The following PRPS1 variants were observed in gnomAD, a reference collection of about 807,000 sequenced individuals.
PRPS1 encodes phosphoribosyl pyrophosphate synthetase 1, also known as ribose-phosphate pyrophosphokinase 1.
Under a neutral mutation model 16.9 loss-of-function variants are expected in PRPS1, and 1 was observed. The observed-to-expected ratio is 0.06, with a 90% CI of 0.02 to 0.28. PRPS1 has a LOEUF of 0.28. Ranked by LOEUF, PRPS1 falls within the 10% of genes least tolerant of loss-of-function variation. The pLI, the probability that PRPS1 is intolerant of heterozygous loss-of-function variation, is 1.00. For synonymous variants in PRPS1, 70 were observed against 90.2 expected, an observed-to-expected ratio of 0.78 and a Z score of 1.27; for missense variants, 47 against 254.0, an observed-to-expected ratio of 0.19 and a Z score of 5.54.
Position 107,642,464 on chromosome X carries a change from C to G in PRPS1, c.504C>G (p.Val168=). The G allele has an allele frequency of 8.3e-7, 1 of 1,211,568 alleles. No individual in the cohort carries two copies. The highest frequency in any genetic ancestry group is 1.1e-6 in the Non-Finnish European group (1 of 895,378). ...NISEWRNCTI[V]SPDAGGAKRV... ...CTGAGTGGAGGAACTGCACTATTGT[C>G]TCACCTGATGCTGGTGGAGCTAAGA... is the stretch of plus-strand genomic sequence containing the variant. The change falls in exon 4 of 7, where the codon GTC becomes GTG. Residue 168 remains valine, a synonymous_variant. Coordinates refer to ENST00000372435, the MANE Select transcript of PRPS1 (RefSeq NM_002764.4).
At chrX:107,634,835 GTT>G (rs781010422) in intron 1 of PRPS1, among the ~76,000 whole-genome samples, 2 of 87,917 alleles carry the variant, frequency 2.3e-5, no homozygotes. Flanking sequence ...AAAGTTTTTT[GTT>G]TTTTTTTTTT....
rs910180824 is a variant in PRPS1 at position 107,633,267 on chromosome X, A to G, written c.122+4517A>G. Among the ~76,000 whole-genome samples, 8 of 109,058 alleles carry G rather than the reference A, an allele frequency of 7.3e-5. No homozygotes were observed. In the South Asian group the frequency reaches 2.4e-3, roughly 33 times the overall value. The allele number at this position is 109,058 out of a possible 115,157, so 94.7% of individuals were successfully genotyped here. A position where few individuals can be genotyped will look rare whatever the true frequency, so the allele number is the denominator to read the frequency against. ...GAAACCCTGTCTCTACTAAAAATAC[A>G]AAAAATTAGCTGGGCATGGTGGCAG... On this transcript the variant is annotated intron_variant, in intron 1 of 6. Coordinates refer to ENST00000372435, the MANE Select transcript of PRPS1 (RefSeq NM_002764.4).
intron 1 of PRPS1, among the ~76,000 whole-genome samples, chrX:107,633,900 C>T (rs1022488685): frequency 5.4e-5 from 6 of 111,581 alleles, no homozygotes; most frequent in Admixed American, 3.8e-4. Context: ...GCACTCCAGC[C>T]TGGGTGACAG....
Position 107,650,183 on chromosome X carries a change from G to GGAAA in PRPS1, c.*154_*157dup, listed in dbSNP as rs1258688297. The GGAAA allele has an allele frequency of 1.3e-5, 13 of 1,028,710 alleles. No homozygotes were observed. In the East Asian group the frequency reaches 4.0e-4, roughly 32 times the overall value. 84.8% of individuals were successfully genotyped at this position (1,028,710 alleles called of 1,213,427 possible). Reference sequence around the variant, plus strand: ...GTATATTAGAGCTTATCCGAACTGGGGAAAGACGGATTGAGATTAACTGCT... The same window carrying GGAAA: ...GTATATTAGAGCTTATCCGAACTGGGGAAAGAAAGACGGATTGAGATTAACTGCT... On this transcript the variant is annotated 3_prime_UTR_variant, in exon 7 of 7. Transcript: ENST00000372435.
chrX:107,649,900 C>A, intron 6 of PRPS1, 40 bp from the exon 7 acceptor site: 1 of 1,211,610 alleles, frequency 8.3e-7, no homozygotes, highest in Non-Finnish European at 1.1e-6. Context: ...TCATCTCTGA[C>A]CATATGATAG....
intron 1 of PRPS1, among the ~76,000 whole-genome samples, chrX:107,636,239 C>T (rs1925439162): frequency 9.1e-6 from 1 of 109,956 alleles, no homozygotes; most frequent in South Asian, 3.9e-4. Context: ...TCTCCTGCCT[C>T]AGCCCCCTGA....
At chrX:107,645,115 C>T (rs1271300103) in intron 4 of PRPS1, 62 bp from the exon 5 acceptor site, 15 of 1,188,297 alleles carry the variant, frequency 1.3e-5, no homozygotes, top group Non-Finnish European at 1.7e-5. Context: ...CCCCCGGCCT[C>T]TTTAGTCCAT....
At chrX:107,640,235 G>A (rs1029109861) in intron 2 of PRPS1, among the ~76,000 whole-genome samples, 9 of 111,464 alleles carry the variant, frequency 8.1e-5, no homozygotes, top group Middle Eastern at 4.6e-3. Flanking sequence ...CCAGCTACTC[G>A]GGAGGCAGAG....
intron 6 of PRPS1, among the ~76,000 whole-genome samples, chrX:107,648,172 T>G (rs1358924207): frequency 8.9e-6 from 1 of 111,949 alleles, no homozygotes. Context: ...TGTACACTTC[T>G]ACCAACTTTA....
chrX:107,637,249 T>C (rs1406785216), intron 1 of PRPS1, among the ~76,000 whole-genome samples: 1 of 111,579 alleles, frequency 9.0e-6, no homozygotes, highest in East Asian at 2.8e-4. Context: ...AGTAAATTCC[T>C]ATGGAGTTAC....
At chrX:107,639,602 A>G in intron 2 of PRPS1, 124 bp downstream of exon 2, 4 of 693,800 alleles carry the variant, frequency 5.8e-6, no homozygotes, top group Non-Finnish European at 8.7e-6. Flanking sequence ...TTTCTTAGGT[A>G]TTACCCTATC....
chrX:107,649,125 C>G (rs1322721646), intron 6 of PRPS1, among the ~76,000 whole-genome samples: 1 of 111,023 alleles, frequency 9.0e-6, no homozygotes, highest in East Asian at 2.8e-4. Context: ...CACTCTGTTG[C>G]CTAAGCTGGA....
chrX:107,649,094 A>AT (rs1269531917), intron 6 of PRPS1, among the ~76,000 whole-genome samples: 2 of 104,172 alleles, frequency 1.9e-5, no homozygotes, highest in Non-Finnish European at 3.9e-5. Context: ...ACCTACCACC[A>AT]TTTTTTTTTA....
chrX:107,649,823 A>G, intron 6 of PRPS1, 117 bp from the exon 7 acceptor site: 1 of 1,148,177 alleles, frequency 8.7e-7, no homozygotes, highest in Non-Finnish European at 1.2e-6. Context: ...GGGAAACAGC[A>G]CAGTGTTGCA....
chrX:107,641,197 A>G (rs934536329), intron 3 of PRPS1, 197 bp downstream of exon 3: 7 of 1,066,882 alleles, frequency 6.6e-6, no homozygotes, highest in Non-Finnish European at 8.9e-6. Context: ...GAGGCAGTCT[A>G]GTTTTATGGG....
chrX:107,645,150 T>C, intron 4 of PRPS1, 27 bp from the exon 5 acceptor site: 2 of 1,210,174 alleles, frequency 1.7e-6, no homozygotes, highest in Non-Finnish European at 2.2e-6. Context: ...AAGCCACACA[T>C]ACATATGAAC....
intron 3 of PRPS1, 69 bp from the exon 4 acceptor site, chrX:107,642,297 T>C: frequency 4.2e-6 from 5 of 1,188,299 alleles, no homozygotes; most frequent in Non-Finnish European, 4.6e-6. Flanking sequence ...AAGTTACTAC[T>C]TTGTGTTTGC....
chrX:107,642,090 GTTTTGTCTGAACT>G (rs901418437), intron 3 of PRPS1, among the ~76,000 whole-genome samples: 2 of 112,312 alleles, frequency 1.8e-5, no homozygotes, highest in African/African-American at 6.5e-5. Context: ...GTTCTTAATG[GTTTTGTCTGAACT>G]TAGCCATTCT....
At chrX:107,634,909 G>T (rs1380545798) in intron 1 of PRPS1, among the ~76,000 whole-genome samples, 3 of 105,482 alleles carry the variant, frequency 2.8e-5, no homozygotes, top group African/African-American at 1.1e-4. Context: ...ACTTGATCTC[G>T]GTTCACTGCA....
Sources: gnomAD v4.1 joint callset for allele counts (sites outside exome capture counted in the v4.1 genomes callset) on GRCh38, gnomAD v4.1.1 for gene constraint, MANE v1.5 for transcripts, NCBI Gene and HGNC (gene_info 2026-07-23, HGNC 2026-07-21) for gene names.